Variants in SLC6A17 observed in about 807,000 individuals in gnomAD.
The protein encoded by SLC6A17 is solute carrier family 6 member 17.
In SLC6A17, 21 loss-of-function variants were observed where a neutral mutation model predicts 64.5. That is an observed-to-expected ratio of 0.33 (90% CI 0.23 to 0.47). The LOEUF (loss-of-function observed/expected upper bound fraction) is 0.47. Among genes scored for constraint, SLC6A17 ranks in the 20% least tolerant of loss-of-function variants. SLC6A17 has a pLI of 1.00. For synonymous variants in SLC6A17, 372 were observed against 399.5 expected, an observed-to-expected ratio of 0.93 and a Z score of 0.82; for missense variants, 682 against 963.2, an observed-to-expected ratio of 0.71 and a Z score of 3.86.
rs531667505 is a variant in SLC6A17 at position 110,184,352 on chromosome 1, A to G, written c.864+7613A>G. 3.3e-5 allele frequency among the ~76,000 whole-genome samples: 5 copies of G among 152,174 alleles called. No individual in the cohort carries two copies. The South Asian group carries it at 8.3e-4, about 25-fold the overall frequency. On this transcript the variant is annotated intron_variant, in intron 6 of 11. Transcript: ENST00000331565. ...GATCTCCTGACCTTGTGATCCGCCC[A>G]CCTCGGCCTCCCAAAGTGCTGGGAT...
rs1480151777 is a variant in SLC6A17 at position 110,176,612 on chromosome 1, C to G, written c.754-17C>G. ...GGAAGGGCTCTGCCTGATGGGGGTT[C>G]CCTGTCCTCTCTGCAGGTGATGTAT... On this transcript the variant is annotated splice_polypyrimidine_tract_variant and intron_variant, in intron 5 of 11. Coordinates refer to ENST00000331565, the MANE Select transcript of SLC6A17 (RefSeq NM_001010898.4). 2.5e-6 allele frequency: 4 copies of G among 1,612,456 alleles called. No homozygotes were observed. In the African/African-American group the frequency reaches 4.0e-5, roughly 16 times the overall value.
At chr1:110,179,926 G>C (rs962154504) in intron 6 of SLC6A17, among the ~76,000 whole-genome samples, 1 of 152,080 alleles carries the variant, frequency 6.6e-6, no homozygotes, top group Non-Finnish European at 1.5e-5. Flanking sequence ...CATTTGCAGA[G>C]GCCAGGGTCT....
intron 8 of SLC6A17, 72 bp from the exon 9 acceptor site, chr1:110,194,507 C>T: frequency 6.7e-7 from 1 of 1,498,974 alleles, no homozygotes; most frequent in Non-Finnish European, 9.2e-7. Flanking sequence ...GTTTGAAGGG[C>T]AGAGGGAAGG....
At chr1:110,157,979 C>T (rs548642584) in intron 1 of SLC6A17, among the ~76,000 whole-genome samples, 4 of 152,198 alleles carry the variant, frequency 2.6e-5, no homozygotes, top group Non-Finnish European at 1.5e-5. Context: ...AGCATCCCTG[C>T]TGTGCTCCAT....
chr1:110,171,782 G>A (rs1363912250), intron 2 of SLC6A17, among the ~76,000 whole-genome samples: 4 of 152,130 alleles, frequency 2.6e-5, no homozygotes, highest in Non-Finnish European at 1.5e-5. Context: ...TGCAATGTCT[G>A]TCTGTTTCTG....
At chr1:110,173,903 TCGG>T in intron 3 of SLC6A17, 67 bp from the exon 4 acceptor site, 31 of 1,528,472 alleles carry the variant, frequency 2.0e-5, no homozygotes, top group Admixed American at 1.9e-4. Flanking sequence ...GTGCTGGGCC[TCGG>T]GTGGAGCGTG....
chr1:110,190,784 C>T (rs941527815), intron 6 of SLC6A17, among the ~76,000 whole-genome samples: 1 of 151,860 alleles, frequency 6.6e-6, no homozygotes. Flanking sequence ...GGGGAAAATG[C>T]TTTAAAGAGT....
At chr1:110,169,850 G>GA (rs1469372188) in intron 2 of SLC6A17, among the ~76,000 whole-genome samples, 12 of 152,284 alleles carry the variant, frequency 7.9e-5, no homozygotes, top group Middle Eastern at 3.4e-3. Context: ...AGGTTGATAT[G>GA]AAAAAATACC....
intron 1 of SLC6A17, among the ~76,000 whole-genome samples, chr1:110,157,772 G>T (rs1655795844): frequency 6.6e-6 from 1 of 151,924 alleles, no homozygotes; most frequent in South Asian, 2.1e-4. Flanking sequence ...CCATTGTTCA[G>T]GGTGCTCTAG....
At chr1:110,163,244 G>A (rs1240649163) in intron 1 of SLC6A17, among the ~76,000 whole-genome samples, 1 of 152,022 alleles carries the variant, frequency 6.6e-6, no homozygotes, top group East Asian at 1.9e-4. Flanking sequence ...GGGTGCCCTA[G>A]GTGGACACCA....
In SLC6A17 at chr1:110,192,614, G is replaced by GTACAA; in HGVS notation, c.1217_1221dup (p.Val408ThrfsTer5). The GTACAA allele has an allele frequency of 6.2e-7, 1 of 1,614,214 alleles. No individual in the cohort carries two copies. Among genetic ancestry groups the GTACAA allele is most frequent in the Non-Finnish European group, 8.5e-7 (1 of 1,180,032 alleles). ...TGACCACAAAGGACTACATGGAGAT[G>GTACAA]TACAATGTCATCATGACCGTGAAGG... On this transcript the variant is annotated frameshift_variant, in exon 8 of 12. Transcript: ENST00000331565. LOFTEE classifies it high-confidence loss of function. The surrounding 1 kb of genome is among the most constrained non-coding windows in gnomAD (Gnocchi z 4.3).
At chr1:110,176,337 C>T (rs1265769571) in intron 5 of SLC6A17, among the ~76,000 whole-genome samples, 2 of 152,116 alleles carry the variant, frequency 1.3e-5, no homozygotes, top group Non-Finnish European at 2.9e-5. Flanking sequence ...GACTCCCTTA[C>T]CCCCTTGGCA....
chr1:110,162,075 G>A (rs1250885931), intron 1 of SLC6A17, among the ~76,000 whole-genome samples: 1 of 152,262 alleles, frequency 6.6e-6, no homozygotes. Flanking sequence ...CTCGGCACTC[G>A]TGCCCCTCTG....
chr1:110,154,710 G>A (rs911634877), intron 1 of SLC6A17, among the ~76,000 whole-genome samples: 3 of 152,074 alleles, frequency 2.0e-5, no homozygotes, highest in Non-Finnish European at 4.4e-5. Context: ...CAGAGCCGGT[G>A]GATGTTGCCC....
intron 2 of SLC6A17, among the ~76,000 whole-genome samples, chr1:110,170,500 A>C (rs1656192378): frequency 6.6e-6 from 1 of 151,956 alleles, no homozygotes; most frequent in African/African-American, 2.4e-5. Flanking sequence ...AAAACAAAAA[A>C]CCGGTGAGGC....
In SLC6A17 at chr1:110,174,168, C is replaced by T. The variant is rs12033312; in HGVS notation, c.571+69C>T. On this transcript the variant is annotated intron_variant, in intron 4 of 11. Transcript: ENST00000331565. ...AGGAAGGGGTCTCACAAGCTTAGCG[C>T]ACACATTTGGAATTTCAGACTTGTT... 1,261 of 1,573,634 alleles carry T rather than the reference C, an allele frequency of 8.0e-4. 29 individuals carry two copies. In the East Asian group the frequency reaches 0.021, roughly 26 times the overall value.
At chr1:110,181,821 G>A (rs1656531811) in intron 6 of SLC6A17, among the ~76,000 whole-genome samples, 4 of 152,204 alleles carry the variant, frequency 2.6e-5, no homozygotes, top group African/African-American at 9.7e-5. Flanking sequence ...ACTGGCTGTG[G>A]CTGGCATATT....
At chr1:110,176,995 G>A (rs569008957) in intron 6 of SLC6A17, among the ~76,000 whole-genome samples, 10 of 152,310 alleles carry the variant, frequency 6.6e-5, no homozygotes, top group Non-Finnish European at 1.5e-4. Flanking sequence ...AGAGCCTTAG[G>A]GAGCAGGTAG....
chr1:110,158,699 A>C (rs1164232127), intron 1 of SLC6A17, among the ~76,000 whole-genome samples: 1 of 152,198 alleles, frequency 6.6e-6, no homozygotes, highest in Non-Finnish European at 1.5e-5. Flanking sequence ...GCAGAGCAGG[A>C]CTTTAGGTTT....
Sources: allele counts gnomAD v4.1 joint callset (sites outside exome capture counted in the v4.1 genomes callset), GRCh38; gene constraint gnomAD v4.1.1; non-coding constraint Gnocchi (gnomAD v3.1); transcripts MANE v1.5; gene names NCBI Gene and HGNC (gene_info 2026-07-23, HGNC 2026-07-21).